The following EPM2A variants were observed in gnomAD, a reference collection of about 807,000 sequenced individuals.
The protein encoded by EPM2A is laforin.
A neutral mutation model predicts 26.5 loss-of-function variants in EPM2A; 21 were observed. That is an observed-to-expected ratio of 0.79 (90% CI 0.56 to 1.14). The LOEUF is 1.14. Ranked by LOEUF, EPM2A falls within the 50% of genes most tolerant of loss-of-function variation. The pLI is 0.00. For missense variants in EPM2A, 458 were observed against 440.8 expected (o/e 1.04, Z -0.35); for synonymous variants, 217 against 177.6 (o/e 1.22, Z -1.76).
At chr6:145,603,452 C>T (rs1050183857) in intron 2 of EPM2A, among the ~76,000 whole-genome samples, 21 of 152,116 alleles carry the variant, frequency 1.4e-4, no homozygotes, top group Non-Finnish European at 2.6e-4. Context: ...TTTTATTGCA[C>T]ATTTTTATGT....
In EPM2A at chr6:145,551,520, G is replaced by GA. The variant is rs202051365; in HGVS notation, c.341-48946dup. ...GGCTTGATTTTGACACTGGATGAAA[G>GA]AAAAAATACATATACTCTGAGGATC... On this transcript the variant is annotated intron_variant, in intron 2 of 3. Transcript: ENST00000450221. 7.7e-3 allele frequency among the ~76,000 whole-genome samples: 1,171 copies of GA among 152,082 alleles called. 16 individuals are homozygous for GA. Among genetic ancestry groups the GA allele is most frequent in the African/African-American group, 0.027 (1,115 of 41,530 alleles).
At position 145,735,507 on chromosome 6, in the gene EPM2A, G is replaced by A. The variant is rs1776825982; in HGVS notation, c.-9C>T. 1 of 1,185,420 alleles carries A rather than the reference G, an allele frequency of 8.4e-7. No individual in the cohort carries two copies. Among genetic ancestry groups the A allele is most frequent in the Non-Finnish European group, 1.0e-6 (1 of 958,248 alleles). The allele number at this position is 1,185,420 out of a possible 1,614,324, so 73.4% of individuals were successfully genotyped here. A position where few individuals can be genotyped will look rare whatever the true frequency, so the allele number is the denominator to read the frequency against. ...CCAAAGCGGAAGCGCATGGCGGGCG[G>A]CGGCGGCGCGAATACCCGGGCCCGG... On this transcript the variant is annotated 5_prime_UTR_variant, in exon 1 of 4. Transcript: ENST00000367519.
chr6:145,609,394 C>T (rs1055028445), intron 2 of EPM2A, among the ~76,000 whole-genome samples: 1 of 152,084 alleles, frequency 6.6e-6, no homozygotes, highest in East Asian at 1.9e-4. Context: ...TAAACTTTAA[C>T]GTGTTCACAA....
chr6:145,435,823 T>C (rs957512049), intron 4 of EPM2A, among the ~76,000 whole-genome samples: 7 of 152,174 alleles, frequency 4.6e-5, no homozygotes, highest in Admixed American at 2.0e-4. Flanking sequence ...TTAGAGCAGT[T>C]TTAGGTTCAC....
intron 1 of EPM2A, among the ~76,000 whole-genome samples, chr6:145,705,221 G>A (rs1396228103): frequency 6.6e-6 from 1 of 152,100 alleles, no homozygotes; most frequent in African/African-American, 2.4e-5. Flanking sequence ...GGTCAAGGTG[G>A]GTGGATGGCT....
At chr6:145,487,694 T>C (rs945530048) in intron 4 of EPM2A, among the ~76,000 whole-genome samples, 1 of 152,122 alleles carries the variant, frequency 6.6e-6, no homozygotes, top group Non-Finnish European at 1.5e-5. Context: ...TTTATTTAAG[T>C]TCCTTATAGA....
intron 4 of EPM2A, among the ~76,000 whole-genome samples, chr6:145,392,509 C>A (rs1039467537): frequency 6.6e-6 from 1 of 152,056 alleles, no homozygotes; most frequent in Non-Finnish European, 1.5e-5. Flanking sequence ...TCTTCCCTTC[C>A]CCTTCTTCCC....
At chr6:145,399,505 G>T (rs1778452471) in intron 4 of EPM2A, among the ~76,000 whole-genome samples, 1 of 152,178 alleles carries the variant, frequency 6.6e-6, no homozygotes, top group Non-Finnish European at 1.5e-5. Context: ...AACTCTGTGT[G>T]TAGTAGTTCC....
chr6:145,688,919 T>G (rs1191117721), intron 1 of EPM2A, among the ~76,000 whole-genome samples: 1 of 152,182 alleles, frequency 6.6e-6, no homozygotes, highest in Non-Finnish European at 1.5e-5. Context: ...TGTTTTGAAT[T>G]GATTGGATTA....
chr6:145,516,965 A>G (rs1185778158), intron 2 of EPM2A, among the ~76,000 whole-genome samples: 1 of 152,216 alleles, frequency 6.6e-6, no homozygotes, highest in Non-Finnish European at 1.5e-5. Context: ...TCAGTAGATG[A>G]ATGGATAAGG....
downstream of EPM2A, among the ~76,000 whole-genome samples, chr6:145,621,146 T>C (rs1179861524): frequency 6.6e-6 from 1 of 152,240 alleles, no homozygotes; most frequent in Non-Finnish European, 1.5e-5. Context: ...CACTGTTACA[T>C]GAATTTGGCT....
chr6:145,678,585 C>A (rs1362973694), intron 2 of EPM2A, among the ~76,000 whole-genome samples: 1 of 152,094 alleles, frequency 6.6e-6, no homozygotes, highest in Non-Finnish European at 1.5e-5. Flanking sequence ...AAAAAGTGGG[C>A]AAAGGATATG....
At chr6:145,439,669 T>G (rs1211403124) in intron 4 of EPM2A, among the ~76,000 whole-genome samples, 1 of 152,192 alleles carries the variant, frequency 6.6e-6, no homozygotes, top group Non-Finnish European at 1.5e-5. Flanking sequence ...GGTTGTTTGT[T>G]TTTTGCTTGT....
chr6:145,442,793 T>C (rs1180484732), intron 4 of EPM2A, among the ~76,000 whole-genome samples: 1 of 152,206 alleles, frequency 6.6e-6, no homozygotes, highest in African/African-American at 2.4e-5. Flanking sequence ...TTTTGTATCA[T>C]GCTGTTTGGG....
intron 4 of EPM2A, among the ~76,000 whole-genome samples, chr6:145,440,605 G>T (rs915097444): frequency 6.6e-6 from 1 of 152,106 alleles, no homozygotes; most frequent in African/African-American, 2.4e-5. Flanking sequence ...AAGCCAGTTA[G>T]TTACTTCCTA....
intron 2 of EPM2A, among the ~76,000 whole-genome samples, chr6:145,608,636 A>G (rs1453031058): frequency 6.6e-6 from 1 of 152,198 alleles, no homozygotes. Context: ...ACCCATTTTT[A>G]AACAACAGAC....
intron 4 of EPM2A, among the ~76,000 whole-genome samples, chr6:145,458,279 G>A (rs1779286210): frequency 1.3e-5 from 2 of 152,148 alleles, no homozygotes; most frequent in East Asian, 3.8e-4. Context: ...TGAGGATAAT[G>A]GCCATTCCCT....
intron 2 of EPM2A, among the ~76,000 whole-genome samples, chr6:145,544,487 T>C (rs770892247): frequency 2.0e-5 from 3 of 152,302 alleles, no homozygotes; most frequent in Admixed American, 6.5e-5. Flanking sequence ...CCAGAACTAA[T>C]TGGTAAATTG....
intron 4 of EPM2A, among the ~76,000 whole-genome samples, chr6:145,392,811 T>C (rs1231887215): frequency 6.6e-6 from 1 of 152,076 alleles, no homozygotes; most frequent in African/African-American, 2.4e-5. Context: ...ACCATGAGGG[T>C]TTGGCACATC....
Sources: allele counts gnomAD v4.1 joint callset (sites outside exome capture counted in the v4.1 genomes callset), GRCh38; gene constraint gnomAD v4.1.1; transcripts MANE v1.5; gene names NCBI Gene and HGNC (gene_info 2026-07-23, HGNC 2026-07-21).